Variants in TCF7L2 observed in about 807,000 individuals in gnomAD.
TCF7L2 encodes the protein transcription factor 7-like 2.
TCF7L2 carries 23 observed loss-of-function variants against 77.9 expected under a neutral mutation model. The observed-to-expected ratio is 0.30, with a 90% confidence interval of 0.21 to 0.42. The LOEUF (loss-of-function observed/expected upper bound fraction) is 0.42, where lower values mean the gene tolerates loss of function less well. TCF7L2 is among the 10% of genes least tolerant of loss of function. The pLI is 1.00. For synonymous variants in TCF7L2, 413 were observed against 340.2 expected (o/e 1.21, Z -2.36); for missense variants, 654 against 793.1 (o/e 0.82, Z 2.11).
chr10:113,068,658 G>T (rs2057558377), intron 5 of TCF7L2, among the ~76,000 whole-genome samples: 1 of 152,144 alleles, frequency 6.6e-6, no homozygotes. Flanking sequence ...CTGTTTCAGG[G>T]ACCTCTGTGG....
At chr10:113,088,097 A>G (rs146426147) in intron 5 of TCF7L2, among the ~76,000 whole-genome samples, 2 of 152,190 alleles carry the variant, frequency 1.3e-5, no homozygotes, top group African/African-American at 4.8e-5. Context: ...TTTTCTTCAT[A>G]TAAAACTTTT....
chr10:113,093,042 G>A (rs143544989), intron 5 of TCF7L2, among the ~76,000 whole-genome samples: 3 of 152,254 alleles, frequency 2.0e-5, no homozygotes, highest in East Asian at 1.9e-4. Context: ...TCCCCGCTCC[G>A]TGATGCAATT....
intron 5 of TCF7L2, among the ~76,000 whole-genome samples, chr10:113,095,960 G>A (rs528777250): frequency 3.3e-5 from 5 of 152,308 alleles, no homozygotes; most frequent in South Asian, 2.1e-4. Context: ...AAGGTCACTC[G>A]TAGAGAAGAT....
In TCF7L2 at chr10:113,073,498, T is replaced by G. The variant is rs572089224; in HGVS notation, c.552+33372T>G. ...CTGGGCAACAAAGCAAGACCCGGTC[T>G]CTACCAAAAAAAAAAAAAAAAAAAA... On this transcript the variant is annotated intron_variant, in intron 5 of 13. Coordinates refer to ENST00000627217, the MANE Select transcript of TCF7L2 (RefSeq NM_001146274.2). Among the ~76,000 whole-genome samples the G allele has an allele frequency of 9.6e-5, 9 of 93,556 alleles. No homozygotes were observed. In the South Asian group the frequency reaches 2.8e-3, roughly 29 times the overall value. The allele number at this position is 93,556 out of a possible 152,430, so 61.4% of individuals were successfully genotyped here.
chr10:113,087,664 CTGGT>C (rs533548601), intron 5 of TCF7L2, among the ~76,000 whole-genome samples: 115 of 147,264 alleles, frequency 7.8e-4, no homozygotes, highest in African/African-American at 2.7e-3. Flanking sequence ...AGTACTTCCT[CTGGT>C]GCTCGGCTTC....
rs111870380 is a variant in TCF7L2, at chr10:113,043,435, T to C, written c.552+3309T>C. On this transcript the variant is annotated intron_variant, in intron 5 of 13. Coordinates refer to ENST00000627217, the MANE Select transcript of TCF7L2 (RefSeq NM_001146274.2). Reference sequence around the variant, plus strand: ...CAAATTTTAGTTCCTGTAGCTGATATAGCATCTCATTTGTTATATAATCCA... The same window carrying C: ...CAAATTTTAGTTCCTGTAGCTGATACAGCATCTCATTTGTTATATAATCCA... 3.1e-3 allele frequency among the ~76,000 whole-genome samples: 473 copies of C among 152,352 alleles called. 2 individuals carry two copies. The highest frequency in any genetic ancestry group is 0.011 in the African/African-American group (445 of 41,586).
At chr10:112,991,071 A>G (rs2042446377) in intron 4 of TCF7L2, among the ~76,000 whole-genome samples, 2 of 152,162 alleles carry the variant, frequency 1.3e-5, no homozygotes, top group South Asian at 2.1e-4. Context: ...TGGAGTGGAC[A>G]TGCCAAAGTT....
intron 4 of TCF7L2, among the ~76,000 whole-genome samples, chr10:112,997,284 A>G (rs142714413): frequency 3.3e-5 from 5 of 152,228 alleles, no homozygotes; most frequent in African/African-American, 7.2e-5. Context: ...GGACATCAGC[A>G]TTTTAAAAAG....
intron 5 of TCF7L2, among the ~76,000 whole-genome samples, chr10:113,073,684 C>T (rs1389944407): frequency 6.7e-6 from 1 of 150,270 alleles, no homozygotes; most frequent in African/African-American, 2.5e-5. Context: ...TGTGAGACCC[C>T]GTCTTTAAGA....
intron 5 of TCF7L2, among the ~76,000 whole-genome samples, chr10:113,101,176 G>A (rs1309481691): frequency 1.3e-5 from 2 of 152,150 alleles, no homozygotes; most frequent in Non-Finnish European, 2.9e-5. Context: ...CTATAAAAAG[G>A]AGCATTTTGT....
intron 4 of TCF7L2, among the ~76,000 whole-genome samples, 196 bp downstream of exon 4, chr10:112,964,820 G>GT (rs1367706604): frequency 6.9e-6 from 1 of 144,850 alleles, no homozygotes; most frequent in Non-Finnish European, 1.5e-5. Flanking sequence ...GGTGGGGGGG[G>GT]GTTGAATCAC....
chr10:113,022,569 C>T (rs1170506868), intron 4 of TCF7L2, among the ~76,000 whole-genome samples: 1 of 152,272 alleles, frequency 6.6e-6, no homozygotes, highest in African/African-American at 2.4e-5. Flanking sequence ...TTCATTTCCC[C>T]CTTAAGCGGT....
intron 5 of TCF7L2, among the ~76,000 whole-genome samples, chr10:113,050,931 C>G (rs2054311183): frequency 6.6e-6 from 1 of 152,154 alleles, no homozygotes; most frequent in Non-Finnish European, 1.5e-5. Flanking sequence ...AGGTGCTGAA[C>G]TCCCAGCATA....
intron 5 of TCF7L2, among the ~76,000 whole-genome samples, chr10:113,067,672 G>A (rs1209589228): frequency 6.6e-6 from 1 of 152,146 alleles, no homozygotes; most frequent in African/African-American, 2.4e-5. Context: ...AGGAGTCCTC[G>A]GCTGAGACCC....
rs997354686 is a variant in TCF7L2, at chr10:113,056,787, A to C, written c.552+16661A>C. On this transcript the variant is annotated intron_variant, in intron 5 of 13. Transcript: ENST00000627217. ...TACTTTTAAAATGGCTTTTGGTCTG[A>C]CATGATTCATTTGCCACTTGGAAAA... is the stretch of plus-strand genomic sequence containing the variant. Among the ~76,000 whole-genome samples the C allele has an allele frequency of 1.3e-4, 20 of 152,200 alleles. 1 individual carries two copies. The highest frequency in any genetic ancestry group is 2.9e-5 in the Non-Finnish European group (2 of 68,038).
At chr10:113,070,453 A>G (rs1170179849) in intron 5 of TCF7L2, among the ~76,000 whole-genome samples, 1 of 151,996 alleles carries the variant, frequency 6.6e-6, no homozygotes, top group Admixed American at 6.5e-5. Context: ...ATGTAATCCC[A>G]AACAGATCCT....
chr10:113,121,234 G>A (rs1475198409), intron 5 of TCF7L2, among the ~76,000 whole-genome samples: 1 of 152,162 alleles, frequency 6.6e-6, no homozygotes, highest in Non-Finnish European at 1.5e-5. Flanking sequence ...TAGGAATGGA[G>A]AGAGCCTTGC....
chr10:113,156,874 C>A (rs969891637), intron 11 of TCF7L2, among the ~76,000 whole-genome samples: 15 of 152,200 alleles, frequency 9.9e-5, no homozygotes, highest in African/African-American at 3.4e-4. Context: ...TTACCTAACT[C>A]GTCAGTTTTC....
intron 5 of TCF7L2, among the ~76,000 whole-genome samples, chr10:113,120,596 C>T (rs1293244019): frequency 6.6e-6 from 1 of 152,062 alleles, no homozygotes; most frequent in African/African-American, 2.4e-5. Flanking sequence ...GAAAATCATA[C>T]CTTCTAGAGG....
Sources: gnomAD v4.1 joint callset for allele counts (sites outside exome capture counted in the v4.1 genomes callset) on GRCh38, gnomAD v4.1.1 for gene constraint, MANE v1.5 for transcripts, NCBI Gene and HGNC (gene_info 2026-07-23, HGNC 2026-07-21) for gene names.